KIRREL3: variants seen among roughly 807,000 people sequenced by gnomAD.
The protein encoded by KIRREL3 is kin of IRRE-like protein 3.
In KIRREL3, 36 loss-of-function variants were observed where a neutral mutation model predicts 89.7. The ratio of observed to expected loss-of-function variants is 0.40; its 90% confidence interval spans 0.31 to 0.53. The LOEUF (loss-of-function observed/expected upper bound fraction) is 0.53, where lower values mean the gene tolerates loss of function less well. Among genes scored for constraint, KIRREL3 ranks in the 20% least tolerant of loss-of-function variants. The pLI is 0.49. For synonymous variants in KIRREL3, 445 were observed against 441.4 expected (o/e 1.01, Z -0.10); for missense variants, 864 against 1,056.6 (o/e 0.82, Z 2.53).
chr11:126,930,539 C>T (rs1439442477), intron 1 of KIRREL3, among the ~76,000 whole-genome samples: 1 of 152,236 alleles, frequency 6.6e-6, no homozygotes, highest in Non-Finnish European at 1.5e-5. Flanking sequence ...TTCTCCTTCT[C>T]TAAGAAAATA....
rs1473441147 is a variant in KIRREL3, at chr11:126,473,007, CAA to C, written c.591+300_591+301del. Reference sequence around the variant, plus strand: ...TCTCTACCTAACCCCCAGCCCCTGCCAACCAGCCCCCCACTATCCTCCCCTCT... The same window carrying C: ...TCTCTACCTAACCCCCAGCCCCTGCCCCAGCCCCCCACTATCCTCCCCTCT... On this transcript the variant is annotated intron_variant, in intron 5 of 16. Coordinates refer to ENST00000525144, the MANE Select transcript of KIRREL3 (RefSeq NM_032531.4). 2.4e-4 allele frequency among the ~76,000 whole-genome samples: 27 copies of C among 114,070 alleles called. 1 individual carries two copies. Among genetic ancestry groups the C allele is most frequent in the African/African-American group, 7.8e-4 (22 of 28,092 alleles). The allele number at this position is 114,070 out of a possible 152,430, so 74.8% of individuals were successfully genotyped here. A position where few individuals can be genotyped will look rare whatever the true frequency, so the allele number is the denominator to read the frequency against.
rs7104760 is a variant in KIRREL3 at position 126,851,187 on chromosome 11, T to A, written c.55+149268A>T. Among the ~76,000 whole-genome samples the A allele has an allele frequency of 2.6e-5, 4 of 152,174 alleles. No individual in the cohort carries two copies. In the South Asian group the frequency reaches 6.2e-4, roughly 24 times the overall value. ...GGACCCGACTGCCATTGTGTGAATG[T>A]GTATTGTGCTTTAAGGTGACATAGT... On this transcript the variant is annotated intron_variant, in intron 1 of 16. Coordinates refer to ENST00000525144, the MANE Select transcript of KIRREL3 (RefSeq NM_032531.4).
At chr11:126,695,186 G>C (rs1176058674) in intron 1 of KIRREL3, among the ~76,000 whole-genome samples, 2 of 152,156 alleles carry the variant, frequency 1.3e-5, no homozygotes, top group African/African-American at 4.8e-5. Context: ...GAAAAAGTTT[G>C]CCAATCCCTG....
intron 5 of KIRREL3, among the ~76,000 whole-genome samples, chr11:126,469,115 C>CAG (rs1322110737): frequency 1.3e-5 from 2 of 152,212 alleles, no homozygotes; most frequent in African/African-American, 4.8e-5. Flanking sequence ...GCTGTCGTTC[C>CAG]CATTGTATGG....
Position 126,990,607 on chromosome 11 carries a change from T to C in KIRREL3, c.55+9848A>G, listed in dbSNP as rs913856393. On this transcript the variant is annotated intron_variant, in intron 1 of 16. Transcript: ENST00000525144. This position sits in a 1 kb window ranked among gnomAD's most constrained non-coding sequence, Gnocchi z 6.3. ...CTTCACCTGGCGTCAGGGCCCAAAA[T>C]AGTGCCCCAGCTCTTGGTGCGGCTT... 2.6e-5 allele frequency among the ~76,000 whole-genome samples: 4 copies of C among 152,184 alleles called. No individual in the cohort carries two copies. The highest frequency in any genetic ancestry group is 4.8e-5 in the African/African-American group (2 of 41,446).
rs143899342 is a variant in KIRREL3 at position 126,988,167 on chromosome 11, AT to A, written c.55+12287del. ...CTCAACTCTCCCTAAGCAGAATGGG[AT>A]TTATTTATTTATTTCTTAATCCACT... On this transcript the variant is annotated intron_variant, in intron 1 of 16. Coordinates refer to ENST00000525144, the MANE Select transcript of KIRREL3 (RefSeq NM_032531.4). Among the ~76,000 whole-genome samples the A allele has an allele frequency of 6.6e-3, 999 of 152,196 alleles. 7 individuals carry two copies. Among genetic ancestry groups the A allele is most frequent in the African/African-American group, 0.022 (933 of 41,518 alleles).
intron 13 of KIRREL3, 85 bp downstream of exon 13, chr11:126,435,183 C>T (rs3212314): frequency 4.3e-4 from 616 of 1,427,776 alleles, no homozygotes; most frequent in Non-Finnish European, 5.6e-4. Context: ...ACAGGCCTCC[C>T]TACCCCCTGC....
chr11:126,815,688 C>G (rs1394432741), intron 1 of KIRREL3, among the ~76,000 whole-genome samples: 3 of 152,116 alleles, frequency 2.0e-5, no homozygotes, highest in Non-Finnish European at 2.9e-5. Context: ...CAGCCGCCAC[C>G]ACGCCCGGCT....
At chr11:126,712,133 C>T (rs749618615) in intron 1 of KIRREL3, among the ~76,000 whole-genome samples, 1 of 152,238 alleles carries the variant, frequency 6.6e-6, no homozygotes, top group Non-Finnish European at 1.5e-5. Context: ...GACTTTCCTA[C>T]TCTAGTAGCA....
rs1200438068 is a variant in KIRREL3, at chr11:126,955,042, C to T, written c.55+45413G>A. Reference sequence around the variant, plus strand: ...GGCTGAAGCAGGAAGAACTGACCCTCTCTCTACACTGGCCTTGCTCTGATG... The same window carrying T: ...GGCTGAAGCAGGAAGAACTGACCCTTTCTCTACACTGGCCTTGCTCTGATG... On this transcript the variant is annotated intron_variant, in intron 1 of 16. Coordinates refer to ENST00000525144, the MANE Select transcript of KIRREL3 (RefSeq NM_032531.4). The surrounding 1 kb of genome is among the most constrained non-coding windows in gnomAD (Gnocchi z 4.6). 6.6e-6 allele frequency among the ~76,000 whole-genome samples: 1 copy of T among 151,868 alleles called. No homozygotes were observed. The highest frequency in any genetic ancestry group is 2.4e-5 in the African/African-American group (1 of 41,294).
intron 2 of KIRREL3, among the ~76,000 whole-genome samples, chr11:126,556,039 G>T (rs552346283): frequency 6.6e-6 from 1 of 152,334 alleles, no homozygotes; most frequent in East Asian, 1.9e-4. Context: ...ACCGTGCCCG[G>T]CCTTCAGTAT....
chr11:126,644,878 G>A (rs1370432356), intron 1 of KIRREL3, among the ~76,000 whole-genome samples: 1 of 152,214 alleles, frequency 6.6e-6, no homozygotes, highest in Non-Finnish European at 1.5e-5. Context: ...TGTGGTGCTG[G>A]TCACAAATAG....
intron 4 of KIRREL3, among the ~76,000 whole-genome samples, chr11:126,493,520 T>C (rs1185270593): frequency 6.6e-6 from 1 of 151,604 alleles, no homozygotes; most frequent in Non-Finnish European, 1.5e-5. Context: ...CCGGGTGTGG[T>C]GGTGGGTGCC....
At chr11:126,466,429 C>G (rs1295451179) in intron 5 of KIRREL3, among the ~76,000 whole-genome samples, 1 of 152,216 alleles carries the variant, frequency 6.6e-6, no homozygotes, top group Non-Finnish European at 1.5e-5. Flanking sequence ...TCTGCCAGCT[C>G]TGCTGCAGGA....
rs1213839032 is a variant in KIRREL3 at position 126,568,984 on chromosome 11, C to T, written c.56-6072G>A. ...GGAAATGTGAGGCCAGTCAGGAAGA[C>T]CAGCCAGGTGGCTGTCATGGGAGAG... On this transcript the variant is annotated intron_variant, in intron 1 of 16. Transcript: ENST00000525144. This position sits in a 1 kb window ranked among gnomAD's most constrained non-coding sequence, Gnocchi z 4.6. Among the ~76,000 whole-genome samples the T allele has an allele frequency of 2.0e-5, 3 of 151,974 alleles. No homozygotes were observed. The highest frequency in any genetic ancestry group is 4.4e-5 in the Non-Finnish European group (3 of 68,010).
At chr11:126,536,233 G>A (rs1328845747) in intron 2 of KIRREL3, among the ~76,000 whole-genome samples, 1 of 152,072 alleles carries the variant, frequency 6.6e-6, no homozygotes, top group African/African-American at 2.4e-5. Context: ...CGTCTTTGGG[G>A]TCCAAAGGCC....
At chr11:126,707,966 G>A (rs764369644) in intron 1 of KIRREL3, among the ~76,000 whole-genome samples, 4 of 151,998 alleles carry the variant, frequency 2.6e-5, no homozygotes, top group Non-Finnish European at 5.9e-5. Flanking sequence ...CTGTTCGCTC[G>A]CTTGCAGTAT....
chr11:126,572,070 T>A (rs780156824), intron 1 of KIRREL3, among the ~76,000 whole-genome samples: 3 of 152,206 alleles, frequency 2.0e-5, no homozygotes, highest in Admixed American at 6.5e-5. Context: ...CAGCTATGTG[T>A]CCTACCCCTG....
chr11:126,736,669 C>G lies in KIRREL3; in HGVS notation c.56-173757G>C, dbSNP rs1019987178. Among the ~76,000 whole-genome samples, 5 of 152,128 alleles carry G rather than the reference C, an allele frequency of 3.3e-5. No homozygotes were observed. The highest frequency in any genetic ancestry group is 1.2e-4 in the African/African-American group (5 of 41,424). ...CACTCTGCAATGCACAGGCCAGCCC[C>G]CATGACAAGGATTATCCTACCCAAA... On this transcript the variant is annotated intron_variant, in intron 1 of 16. Transcript: ENST00000525144. The surrounding 1 kb of genome is among the most constrained non-coding windows in gnomAD (Gnocchi z 5.0).
Sources: allele counts gnomAD v4.1 joint callset (sites outside exome capture counted in the v4.1 genomes callset), GRCh38; gene constraint gnomAD v4.1.1; non-coding constraint Gnocchi (gnomAD v3.1); transcripts MANE v1.5; gene names NCBI Gene and HGNC (gene_info 2026-07-23, HGNC 2026-07-21).